Variants in GSE1 observed in about 807,000 individuals in gnomAD.
GSE1 encodes the protein Gse1 coiled-coil protein.
Under a neutral mutation model 112.6 loss-of-function variants are expected in GSE1, and 32 were observed. The observed-to-expected ratio is 0.28, with a 90% CI of 0.21 to 0.38. The LOEUF (loss-of-function observed/expected upper bound fraction) is 0.38. Ranked by LOEUF, GSE1 falls within the 10% of genes least tolerant of loss-of-function variation. GSE1 has a pLI of 1.00. For missense variants in GSE1, 2,348 were observed against 1,699.2 expected (o/e 1.38, Z -6.71); for synonymous variants, 1,115 against 735.6 (o/e 1.52, Z -8.35).
intron 2 of GSE1, among the ~76,000 whole-genome samples, chr16:85,410,939 T>G: frequency 1.0e-5 from 1 of 96,766 alleles, no homozygotes; most frequent in South Asian, 3.6e-4. Context: ...TCCTCACTGT[T>G]ACACTCAGGC....
chr16:85,244,468 A>C, intron 1 of GSE1, among the ~76,000 whole-genome samples: 1 of 152,174 alleles, frequency 6.6e-6, no homozygotes, highest in East Asian at 1.9e-4. Context: ...TAAGAAAATT[A>C]ATTTGTGTTT....
chr16:85,665,210 T>G, intron 12 of GSE1, 82 bp downstream of exon 12: 2 of 750,878 alleles, frequency 2.7e-6, no homozygotes, highest in Non-Finnish European at 4.6e-6. Context: ...ACTCGAGGTC[T>G]TCATCATTGT....
intron 2 of GSE1, among the ~76,000 whole-genome samples, chr16:85,495,172 GC>G (rs1280076589): frequency 1.3e-5 from 2 of 152,170 alleles, no homozygotes; most frequent in African/African-American, 4.8e-5. Flanking sequence ...GCTCAGGATG[GC>G]TGGGCCTGTT....
At chr16:85,402,773 T>G (rs1361389817) in intron 2 of GSE1, among the ~76,000 whole-genome samples, 1 of 151,808 alleles carries the variant, frequency 6.6e-6, no homozygotes, top group Non-Finnish European at 1.5e-5. Flanking sequence ...AATACAAAAG[T>G]TATCCGGGTG....
At chr16:85,209,127 T>G (rs2075177534) in intron 1 of GSE1, among the ~76,000 whole-genome samples, 2 of 152,196 alleles carry the variant, frequency 1.3e-5, no homozygotes, top group Admixed American at 1.3e-4. Flanking sequence ...TGTTGGGGTT[T>G]GCCGTGTGTT....
rs112852350 is a variant in GSE1 at position 85,506,948 on chromosome 16, A to C, written c.2465-126966A>C. Among the ~76,000 whole-genome samples the C allele has an allele frequency of 0.02, 3,101 of 152,216 alleles. 249 individuals are homozygous for C. The East Asian group carries it at 0.28, about 14-fold the overall frequency. On this transcript the variant is annotated intron_variant, in intron 2 of 2. Coordinates refer to the GSE1 transcript ENST00000637419. ...GCCCCCTCCTTCCAAGGCATGGTCC[A>C]TAGTTGCATGCACGCCACCCCGCAA... is the stretch of plus-strand genomic sequence containing the variant.
chr16:85,469,814 C>T (rs2050230766), intron 2 of GSE1, among the ~76,000 whole-genome samples: 1 of 152,256 alleles, frequency 6.6e-6, no homozygotes, highest in Admixed American at 6.5e-5. Flanking sequence ...TTTTCCCCAG[C>T]AGCTGCTGAA....
intron 1 of GSE1, among the ~76,000 whole-genome samples, chr16:85,579,614 G>T (rs892830639): frequency 6.6e-6 from 1 of 152,120 alleles, no homozygotes; most frequent in African/African-American, 2.4e-5. Context: ...CCAGACCTAC[G>T]CCTGGGAGAC....
chr16:85,339,176 C>T (rs1396057171), intron 1 of GSE1, among the ~76,000 whole-genome samples: 1 of 152,184 alleles, frequency 6.6e-6, no homozygotes, highest in African/African-American at 2.4e-5. Flanking sequence ...AGTAGCCAGG[C>T]CCGTAGTAGT....
upstream of GSE1, chr16:85,555,678 C>A (rs988002511): frequency 6.6e-6 from 6 of 902,844 alleles, no homozygotes; most frequent in South Asian, 5.1e-5. Flanking sequence ...TCCCGCCGCC[C>A]CCCCCTTCCT....
intron 1 of GSE1, among the ~76,000 whole-genome samples, chr16:85,216,475 T>G (rs2075308268): frequency 6.6e-6 from 1 of 152,240 alleles, no homozygotes. Context: ...TGTTATCTGA[T>G]TATAATAATT....
At position 85,661,732 on chromosome 16, in the gene GSE1, G is replaced by C. The variant is rs746799988; in HGVS notation, c.2227G>C (p.Glu743Gln). The C allele has an allele frequency of 3.2e-6, 5 of 1,573,156 alleles. No individual in the cohort carries two copies. The highest frequency in any genetic ancestry group is 3.6e-5 in the Admixed American group (2 of 54,956). ...GAGGCTGGTCAGCAAGCTGGACCTG[G>C]AGGAGCGCAGGCGGCGGGAGGCCCA... ...RRRLVSKLDLEERRRREAQEK... is the reference protein window; with the variant it reads ...RRRLVSKLDLQERRRREAQEK... The change falls in exon 9 of 16, where the codon GAG (glutamate) becomes CAG (glutamine). Residue 743 changes from glutamate to glutamine, a missense_variant. Glu to Gln is a conservative substitution (Grantham distance 29). Transcript: ENST00000253458.
intron 2 of GSE1, among the ~76,000 whole-genome samples, chr16:85,421,120 G>A (rs892314769): frequency 2.6e-5 from 4 of 152,228 alleles, no homozygotes; most frequent in East Asian, 1.9e-4. Context: ...AGCCCGGCAC[G>A]CAGTGGGCGC....
At position 85,671,100 on chromosome 16, in the gene GSE1, T is replaced by G; in HGVS notation, c.3519+2T>G. The stretch of plus-strand genomic sequence containing the variant: ...GAGCAGCTCTCCCACAGCGTGGCGG[T>G]GAGTTGGGAAGGGATGGAAACCTTC... On this transcript the variant is annotated splice_donor_variant, in intron 15 of 15. Coordinates refer to ENST00000253458, the MANE Select transcript of GSE1 (RefSeq NM_014615.5). LOFTEE classifies it high-confidence loss of function. 1 of 1,574,018 alleles carries G rather than the reference T, an allele frequency of 6.4e-7. No homozygotes were observed. The highest frequency in any genetic ancestry group is 8.7e-7 in the Non-Finnish European group (1 of 1,144,008).
rs1020566303 is a variant in GSE1 at position 85,664,736 on chromosome 16, C to T, written c.2645-279C>T. The T allele has an allele frequency of 3.1e-5, 11 of 353,542 alleles. No individual in the cohort carries two copies. The South Asian group carries it at 3.3e-4, about 10-fold the overall frequency. 21.9% of individuals were successfully genotyped at this position (353,542 alleles called of 1,614,324 possible). ...AGAATACATCCTCGCACGTCACCAC[C>T]GAGGTCCGTGGGCACAGTGATTCAC... On this transcript the variant is annotated intron_variant, in intron 11 of 15. Coordinates refer to ENST00000253458, the MANE Select transcript of GSE1 (RefSeq NM_014615.5).
intron 1 of GSE1, among the ~76,000 whole-genome samples, chr16:85,336,040 G>C (rs1313002040): frequency 1.3e-5 from 2 of 152,148 alleles, no homozygotes; most frequent in African/African-American, 4.8e-5. Context: ...TGGGACCCTA[G>C]TGTCTCCGAG....
intron 1 of GSE1, among the ~76,000 whole-genome samples, chr16:85,188,103 T>G (rs2074744954): frequency 6.6e-6 from 1 of 152,026 alleles, no homozygotes; most frequent in South Asian, 2.1e-4. Flanking sequence ...GAGGCAGGTG[T>G]GGGATGGAAA....
chr16:85,500,135 A>G (rs1360912936), intron 2 of GSE1, among the ~76,000 whole-genome samples: 1 of 152,224 alleles, frequency 6.6e-6, no homozygotes, highest in South Asian at 2.1e-4. Context: ...CATCATCCCC[A>G]ATATTGCAAG....
upstream of GSE1, among the ~76,000 whole-genome samples, chr16:85,612,736 G>A (rs1204435623): frequency 6.6e-6 from 1 of 152,062 alleles, no homozygotes; most frequent in Non-Finnish European, 1.5e-5. Context: ...TCTGTTTTGT[G>A]TCGCCTCCCC....
Sources: gnomAD v4.1 joint callset for allele counts (sites outside exome capture counted in the v4.1 genomes callset) on GRCh38, gnomAD v4.1.1 for gene constraint, MANE v1.5 for transcripts, NCBI Gene and HGNC (gene_info 2026-07-23, HGNC 2026-07-21) for gene names.